Variants in ZMYND8 observed in about 807,000 individuals in gnomAD.
ZMYND8 encodes the protein MYND-type zinc finger-containing chromatin reader ZMYND8.
ZMYND8 carries 37 observed loss-of-function variants against 140.8 expected under a neutral mutation model. That is an observed-to-expected ratio of 0.26 (90% CI 0.20 to 0.35). The LOEUF is 0.35. Among genes scored for constraint, ZMYND8 ranks in the 10% least tolerant of loss-of-function variants. The pLI, the probability that ZMYND8 is intolerant of heterozygous loss-of-function variation, is 1.00. For missense variants in ZMYND8, 1,068 were observed against 1,570.0 expected, an observed-to-expected ratio of 0.68 and a Z score of 5.40; for synonymous variants, 592 against 597.1, an observed-to-expected ratio of 0.99 and a Z score of 0.12.
At chr20:47,253,099 T>A (rs920465665) in intron 12 of ZMYND8, among the ~76,000 whole-genome samples, 4 of 152,244 alleles carry the variant, frequency 2.6e-5, no homozygotes, top group Admixed American at 2.0e-4. Context: ...ATCTGCCATC[T>A]TCTATACTAG....
chr20:47,298,556 C>T lies in ZMYND8; in HGVS notation c.453+173G>A. The T allele has an allele frequency of 8.1e-6, 8 of 985,434 alleles. No individual in the cohort carries two copies. The highest frequency in any genetic ancestry group is 9.6e-6 in the Non-Finnish European group (8 of 829,944). 61.0% of individuals were successfully genotyped at this position (985,434 alleles called of 1,614,324 possible). A position where few individuals can be genotyped will look rare whatever the true frequency, so the allele number is the denominator to read the frequency against. On this transcript the variant is annotated intron_variant, in intron 4 of 22. Coordinates refer to ENST00000471951, the MANE Select transcript of ZMYND8 (RefSeq NM_001281775.3). This position sits in a 1 kb window ranked among gnomAD's most constrained non-coding sequence, Gnocchi z 5.0. ...AATTGTCTTTCCAAGAGCTGCAGTA[C>T]TGCAGCCACTGCCGGTGTTGGTCAA... is the stretch of plus-strand genomic sequence containing the variant.
At chr20:47,235,420 G>A (rs2039096476) in intron 16 of ZMYND8, among the ~76,000 whole-genome samples, 1 of 151,890 alleles carries the variant, frequency 6.6e-6, no homozygotes, top group African/African-American at 2.4e-5. Flanking sequence ...AAAGCACTTG[G>A]CAGGCCGGGC....
At chr20:47,293,475 C>T (rs1017066247) in intron 5 of ZMYND8, among the ~76,000 whole-genome samples, 10 of 152,104 alleles carry the variant, frequency 6.6e-5, no homozygotes, top group African/African-American at 2.4e-4. Flanking sequence ...GCAGATTTTC[C>T]TCAAGGGGCA....
intron 14 of ZMYND8, among the ~76,000 whole-genome samples, chr20:47,242,815 G>A (rs2040132000): frequency 6.6e-6 from 1 of 152,162 alleles, no homozygotes; most frequent in Non-Finnish European, 1.5e-5. Flanking sequence ...GGTTTATGGA[G>A]ACAAAATGAG....
At chr20:47,239,416 ACAAGAC>A (rs1381042796) in intron 14 of ZMYND8, among the ~76,000 whole-genome samples, 1 of 152,204 alleles carries the variant, frequency 6.6e-6, no homozygotes, top group Admixed American at 6.5e-5. Context: ...AATGAGGCAA[ACAAGAC>A]CCGGCTCCTG....
chr20:47,275,925 CAT>C (rs1310055612), intron 11 of ZMYND8, among the ~76,000 whole-genome samples: 2 of 152,138 alleles, frequency 1.3e-5, no homozygotes, highest in African/African-American at 4.8e-5. Flanking sequence ...TATTTTTTAT[CAT>C]ATGTGTTTCT....
chr20:47,249,813 C>A (rs1350723038), intron 12 of ZMYND8, among the ~76,000 whole-genome samples: 2 of 152,124 alleles, frequency 1.3e-5, no homozygotes, highest in Non-Finnish European at 2.9e-5. Context: ...CAACACTGAG[C>A]CTGGTCAAGG....
At chr20:47,283,718 TGATGATTTTGAAGGTTAA>T in intron 8 of ZMYND8, 70 bp from the exon 9 acceptor site, 2 of 1,472,454 alleles carry the variant, frequency 1.4e-6, no homozygotes, top group Non-Finnish European at 1.9e-6. Context: ...AATCAATGCT[TGATGATTTTGAAGGTTAA>T]GATGTTTTAA....
chr20:47,238,164 C>T (rs1162230254), intron 15 of ZMYND8: 1 of 153,686 alleles, frequency 6.5e-6, no homozygotes, highest in African/African-American at 2.4e-5. Flanking sequence ...TAGAGGAATG[C>T]TTTAAATAAA....
At chr20:47,211,375 ACACTTGTC>A (rs1282703666) in intron 22 of ZMYND8, among the ~76,000 whole-genome samples, 1 of 152,216 alleles carries the variant, frequency 6.6e-6, no homozygotes, top group East Asian at 1.9e-4. Flanking sequence ...CAACCAAATC[ACACTTGTC>A]CACCCAAGGG....
chr20:47,296,404 G>T (rs2077638341), intron 4 of ZMYND8, among the ~76,000 whole-genome samples: 1 of 152,070 alleles, frequency 6.6e-6, no homozygotes, highest in Non-Finnish European at 1.5e-5. Context: ...GGGGGATGAT[G>T]GACAAAATCT....
chr20:47,216,400 C>G (rs909792910), intron 21 of ZMYND8, among the ~76,000 whole-genome samples: 4 of 143,290 alleles, frequency 2.8e-5, no homozygotes, highest in African/African-American at 1.0e-4. Flanking sequence ...GAGGCTGAGG[C>G]AGGAGAATCA....
At chr20:47,241,530 G>A (rs2039969409) in intron 14 of ZMYND8, among the ~76,000 whole-genome samples, 1 of 152,206 alleles carries the variant, frequency 6.6e-6, no homozygotes, top group African/African-American at 2.4e-5. Context: ...TAGGAATACA[G>A]AGCATTTGAG....
chr20:47,348,069 T>C, intron 1 of ZMYND8, 143 bp from the exon 2 acceptor site: 1 of 771,970 alleles, frequency 1.3e-6, no homozygotes, highest in East Asian at 2.6e-5. Flanking sequence ...AACCCACACC[T>C]GATTTCAACA....
chr20:47,220,123 C>G (rs1486932343), intron 21 of ZMYND8, 135 bp downstream of exon 21: 1 of 751,894 alleles, frequency 1.3e-6, no homozygotes, highest in Non-Finnish European at 2.1e-6. Flanking sequence ...ACTGACCCAC[C>G]CCAGGCACCC....
intron 2 of ZMYND8, among the ~76,000 whole-genome samples, chr20:47,324,124 C>T (rs745383153): frequency 2.0e-5 from 3 of 151,436 alleles, no homozygotes; most frequent in Non-Finnish European, 2.9e-5. Flanking sequence ...ATCACTTGAA[C>T]CCGGGAGGCG....
At chr20:47,248,900 T>C (rs1161337018) in intron 13 of ZMYND8, among the ~76,000 whole-genome samples, 2 of 152,132 alleles carry the variant, frequency 1.3e-5, no homozygotes, top group Non-Finnish European at 2.9e-5. Flanking sequence ...AGGAGACCAG[T>C]CTGGAGGGAA....
At chr20:47,285,504 C>T (rs1023939155) in intron 8 of ZMYND8, among the ~76,000 whole-genome samples, 1 of 152,134 alleles carries the variant, frequency 6.6e-6, no homozygotes, top group African/African-American at 2.4e-5. Flanking sequence ...AGATGCCTAC[C>T]GTTTTTACAG....
chr20:47,300,884 T>TTGTGTG (rs200833449), intron 3 of ZMYND8, among the ~76,000 whole-genome samples: 247 of 130,350 alleles, frequency 1.9e-3, no homozygotes, highest in South Asian at 2.9e-3. Context: ...ACAACTAATT[T>TTGTGTG]TGTGTGTGTG....
Sources: allele counts gnomAD v4.1 joint callset (sites outside exome capture counted in the v4.1 genomes callset), GRCh38; gene constraint gnomAD v4.1.1; non-coding constraint Gnocchi (gnomAD v3.1); transcripts MANE v1.5; gene names NCBI Gene and HGNC (gene_info 2026-07-23, HGNC 2026-07-21).